TERT: variants seen among roughly 807,000 people sequenced by gnomAD.
TERT encodes telomerase reverse transcriptase.
A neutral mutation model predicts 104.0 loss-of-function variants in TERT; 42 were observed. That is an observed-to-expected ratio of 0.40 (90% confidence interval 0.32 to 0.52). The LOEUF (loss-of-function observed/expected upper bound fraction) is 0.52, where lower values mean the gene tolerates loss of function less well. TERT is among the 20% of genes least tolerant of loss of function. The pLI, the probability that TERT is intolerant of heterozygous loss-of-function variation, is 0.43. For missense variants in TERT, 1,101 were observed against 1,610.3 expected, an observed-to-expected ratio of 0.68 and a Z score of 5.41; for synonymous variants, 781 against 725.6, an observed-to-expected ratio of 1.08 and a Z score of -1.23.
Position 1,264,573 on chromosome 5 carries a change from G to A in TERT, c.2674C>T (p.Pro892Ser). The A allele has an allele frequency of 6.2e-7, 1 of 1,614,012 alleles. No homozygotes were observed. Residue 892 changes from proline to serine, a missense_variant, in exon 11 of 16, where the codon CCT becomes TCT. Pro to Ser is a moderately conservative substitution (Grantham distance 74). This residue lies in a region of TERT where 463 missense variants were observed against 797.5 expected (regional missense o/e 0.58). Coordinates refer to ENST00000310581, the MANE Select transcript of TERT (RefSeq NM_198253.3). ...TFLRTLVRGVPEYGCVVNLRK... is the reference protein window; with the variant it reads ...TFLRTLVRGVSEYGCVVNLRK... ...AAGTTCACCACGCAGCCATACTCAG[G>A]GACACCTCGGACCAGGGTCCTAAGG...
intron 3 of TERT, 96 bp downstream of exon 3, chr5:1,282,333 C>T: frequency 7.4e-7 from 1 of 1,357,540 alleles, no homozygotes; most frequent in South Asian, 1.2e-5. Flanking sequence ...GCTGCACAGC[C>T]AGGGAAGCAC....
chr5:1,274,191 G>A lies in TERT; in HGVS notation c.2287-1911C>T, dbSNP rs1462788550. 6.6e-6 allele frequency among the ~76,000 whole-genome samples: 1 copy of A among 152,164 alleles called. No homozygotes were observed. The highest frequency in any genetic ancestry group is 2.4e-5 in the African/African-American group (1 of 41,424). ...CCCAGGAGCTGGCGGCAGGGCCGTG[G>A]GCTAAAACCACATCGAGTACGATTC... On this transcript the variant is annotated intron_variant, in intron 6 of 15. Transcript: ENST00000310581. This position sits in a 1 kb window ranked among gnomAD's most constrained non-coding sequence, Gnocchi z 5.3.
At chr5:1,293,181 C>T in intron 2 of TERT, 132 bp downstream of exon 2, 2 of 1,065,882 alleles carry the variant, frequency 1.9e-6, no homozygotes, top group Non-Finnish European at 2.8e-6. Flanking sequence ...CACTCGACGT[C>T]CTGAGCGAAA....
intron 2 of TERT, among the ~76,000 whole-genome samples, chr5:1,291,188 CCTCA>C (rs1299934065): frequency 9.6e-6 from 1 of 104,072 alleles, no homozygotes; most frequent in Non-Finnish European, 1.9e-5. Flanking sequence ...AGGGACGGTG[CCTCA>C]CTCACCCTAC....
Position 1,273,717 on chromosome 5 carries a change from CCGCCA to C in TERT, c.2287-1442_2287-1438del. On this transcript the variant is annotated intron_variant, in intron 6 of 15. Coordinates refer to ENST00000310581, the MANE Select transcript of TERT (RefSeq NM_198253.3). Reference sequence around the variant, plus strand: ...ACAGTCACCACATCAGACCCCACGACCGCCATCCACAGTCACCACATCAGACCCCA... The same window carrying C: ...ACAGTCACCACATCAGACCCCACGACTCCACAGTCACCACATCAGACCCCA... Among the ~76,000 whole-genome samples, 4 of 29,428 alleles carry C rather than the reference CCGCCA, an allele frequency of 1.4e-4. 2 individuals carry two copies. In the South Asian group the frequency reaches 4.9e-3, roughly 36 times the overall value. The allele number at this position is 29,428 out of a possible 152,430, so 19.3% of individuals were successfully genotyped here.
chr5:1,280,077 GC>G, intron 4 of TERT, 80 bp downstream of exon 4: 1 of 1,566,578 alleles, frequency 6.4e-7, no homozygotes, highest in Non-Finnish European at 8.8e-7. Context: ...CCTCCTCCGG[GC>G]CCTTCATCTA....
chr5:1,254,461 C>T lies in TERT; in HGVS notation c.3202G>A (p.Glu1068Lys), dbSNP rs1747569912. The T allele has an allele frequency of 6.2e-7, 1 of 1,612,958 alleles. No homozygotes were observed. Among genetic ancestry groups the T allele is most frequent in the Non-Finnish European group, 8.5e-7 (1 of 1,179,910 alleles). The change falls in exon 15 of 16, where the codon GAG (glutamate) becomes AAG (lysine). Residue 1068 changes from glutamate to lysine, a missense_variant. Around this residue, in one of 5 missense-constraint regions of TERT, gnomAD observed 463 missense variants for 797.5 expected, o/e 0.58. Coordinates refer to ENST00000310581, the MANE Select transcript of TERT (RefSeq NM_198253.3). ...TGGTGGCACAGCCACTGCACGGCCT[C>T]GGAGGGCAGAGGGCCGGCGGCGCCC... is the stretch of plus-strand genomic sequence containing the variant. ...AKGAAGPLPS[E>K]AVQWLCHQAF...
rs766404675 is a variant in TERT at position 1,255,240 on chromosome 5, C to T, written c.3157+47G>A. ...CACTCAGTCTCCTGACACACTAACA[C>T]CAGCAGGCAGGCACTGCTGCCACTG... On this transcript the variant is annotated intron_variant, in intron 14 of 15. Transcript: ENST00000310581. The surrounding 1 kb of genome is among the most constrained non-coding windows in gnomAD (Gnocchi z 6.9). 6 of 1,607,260 alleles carry T rather than the reference C, an allele frequency of 3.7e-6. No individual in the cohort carries two copies. The African/African-American group carries it at 8.0e-5, about 21-fold the overall frequency.
chr5:1,259,532 G>C (rs1748038760), intron 12 of TERT, among the ~76,000 whole-genome samples: 1 of 128,612 alleles, frequency 7.8e-6, no homozygotes, highest in Non-Finnish European at 1.6e-5. Flanking sequence ...CAGGAGAGAG[G>C]GAGCAGACGC....
rs1554042841 is a variant in TERT at position 1,293,576 on chromosome 5, G to A, written c.1310C>T (p.Ala437Val). 1.3e-6 allele frequency: 2 copies of A among 1,545,672 alleles called. No individual in the cohort carries two copies. The highest frequency in any genetic ancestry group is 2.4e-5 in the East Asian group (1 of 40,882). ...AREKPQGSVA[A>V]PEEEDTDPRR... ...GGGGTCTGTGTCCTCCTCCTCGGGG[G>A]CCGCCACAGAGCCCTGGGGCTTCTC... The change falls in exon 2 of 16, where the codon GCC becomes GTC. Residue 437 changes from alanine (A) to valine (V), a missense_variant. Physicochemically the swap from Ala to Val is moderately conservative, Grantham distance 64 (BLOSUM62 0). This residue lies in a region of TERT where 504 missense variants were observed against 544.6 expected (regional missense o/e 0.93). Coordinates refer to ENST00000310581, the MANE Select transcript of TERT (RefSeq NM_198253.3).
chr5:1,279,574 G>A, intron 4 of TERT, 104 bp from the exon 5 acceptor site: 1 of 1,205,432 alleles, frequency 8.3e-7, no homozygotes, highest in Non-Finnish European at 1.2e-6. Context: ...AGTGTCCCCA[G>A]CCACCCAGAC....
intron 6 of TERT, among the ~76,000 whole-genome samples, chr5:1,272,585 C>CCCG (rs1177674089): frequency 5.1e-5 from 2 of 38,960 alleles, no homozygotes; most frequent in Non-Finnish European, 1.1e-4. Context: ...ACATCAGACC[C>CCCG]TACGACCGCC....
At chr5:1,290,204 T>A (rs62332591) in intron 2 of TERT, among the ~76,000 whole-genome samples, 6 of 20,594 alleles carry the variant, frequency 2.9e-4, no homozygotes, top group East Asian at 1.4e-3. Context: ...CACGTGACAG[T>A]GACACCCGGG....
chr5:1,267,683 A>C (rs1255652693), intron 9 of TERT, among the ~76,000 whole-genome samples: 1 of 152,232 alleles, frequency 6.6e-6, no homozygotes, highest in Admixed American at 6.5e-5. Context: ...TGTCCTTTGT[A>C]GGGACATGGA....
At chr5:1,266,319 G>T (rs1464989862) in intron 10 of TERT, 145 bp downstream of exon 10, 5 of 815,406 alleles carry the variant, frequency 6.1e-6, no homozygotes, top group African/African-American at 1.7e-5. Context: ...ACGGCCAAGC[G>T]CCTCTGCTCT....
At chr5:1,275,466 T>A (rs1201533227) in intron 6 of TERT, among the ~76,000 whole-genome samples, 2 of 150,832 alleles carry the variant, frequency 1.3e-5, no homozygotes, top group Non-Finnish European at 2.9e-5. Flanking sequence ...CAGGGCCACA[T>A]CCAGGCCAAT....
chr5:1,275,913 T>C (rs1579570860), intron 6 of TERT, among the ~76,000 whole-genome samples: 2 of 109,354 alleles, frequency 1.8e-5, no homozygotes, highest in African/African-American at 7.4e-5. Context: ...TGAAAACCAA[T>C]CCCACAGATC....
At position 1,253,504 on chromosome 5, in the gene TERT, C is replaced by T. The variant is rs1442036368; in HGVS notation, c.*224G>A. The T allele has an allele frequency of 8.4e-6, 5 of 597,826 alleles. No homozygotes were observed. Among genetic ancestry groups the T allele is most frequent in the African/African-American group, 5.6e-5 (3 of 53,914 alleles). The allele number at this position is 597,826 out of a possible 1,614,324, so 37.0% of individuals were successfully genotyped here. A position where few individuals can be genotyped will look rare whatever the true frequency, so the allele number is the denominator to read the frequency against. Reference sequence around the variant, plus strand: ...CCAGCCTGTGGGGAAGTGAAGACGGCAGGTGTGCTGGACACTCAGCCCTTG... The same window carrying T: ...CCAGCCTGTGGGGAAGTGAAGACGGTAGGTGTGCTGGACACTCAGCCCTTG... On this transcript the variant is annotated 3_prime_UTR_variant, in exon 16 of 16. Coordinates refer to ENST00000310581, the MANE Select transcript of TERT (RefSeq NM_198253.3).
intron 6 of TERT, among the ~76,000 whole-genome samples, chr5:1,272,556 A>C: frequency 9.0e-6 from 1 of 111,212 alleles, no homozygotes; most frequent in Non-Finnish European, 1.8e-5. Context: ...AGACCCCACG[A>C]CCGCCATCCA....
Sources: allele counts gnomAD v4.1 joint callset (sites outside exome capture counted in the v4.1 genomes callset), GRCh38; gene constraint gnomAD v4.1.1; regional missense constraint gnomAD v4.1.1; non-coding constraint Gnocchi (gnomAD v3.1); transcripts MANE v1.5; gene names NCBI Gene and HGNC (gene_info 2026-07-23, HGNC 2026-07-21).